WDR33: variants seen among roughly 807,000 people sequenced by gnomAD.
The protein encoded by WDR33 is pre-mRNA 3' end processing protein WDR33.
A neutral mutation model predicts 164.9 loss-of-function variants in WDR33; 47 were observed. The observed-to-expected ratio is 0.29, with a 90% confidence interval of 0.23 to 0.36. The LOEUF (loss-of-function observed/expected upper bound fraction) is 0.36, where lower values mean the gene tolerates loss of function less well. Ranked by LOEUF, WDR33 falls within the 10% of genes least tolerant of loss-of-function variation. The pLI is 1.00. For synonymous variants in WDR33, 505 were observed against 589.0 expected (o/e 0.86, Z 2.06); for missense variants, 1,137 against 1,754.1 (o/e 0.65, Z 6.28).
In WDR33 at chr2:127,721,182, A is replaced by G. The variant is rs2105381945; in HGVS notation, c.1671+654T>C. On this transcript the variant is annotated intron_variant, in intron 15 of 21. Transcript: ENST00000322313. The surrounding 1 kb of genome is among the most constrained non-coding windows in gnomAD (Gnocchi z 4.9). Reference sequence around the variant, plus strand: ...GAGTGCAGTGGTACGATCTCGGCTCACTGAAACTTCTGCCTCTGGAGTTCA... The same window carrying G: ...GAGTGCAGTGGTACGATCTCGGCTCGCTGAAACTTCTGCCTCTGGAGTTCA... Among the ~76,000 whole-genome samples, 1 of 152,040 alleles carries G rather than the reference A, an allele frequency of 6.6e-6. No individual in the cohort carries two copies. Among genetic ancestry groups the G allele is most frequent in the South Asian group, 2.1e-4 (1 of 4,796 alleles).
In WDR33 at chr2:127,726,804, C is replaced by A; in HGVS notation, c.725-27G>T. 6.2e-7 allele frequency: 1 copy of A among 1,612,688 alleles called. No individual in the cohort carries two copies. Among genetic ancestry groups the A allele is most frequent in the Non-Finnish European group, 8.5e-7 (1 of 1,179,418 alleles). On this transcript the variant is annotated intron_variant, in intron 7 of 21. Transcript: ENST00000322313. This position sits in a 1 kb window ranked among gnomAD's most constrained non-coding sequence, Gnocchi z 4.8. ...TGTCGGAAACAAGTTAGGATTAAAA[C>A]CTAATTAGTTACATGCATTTAAAGC...
At chr2:127,743,270 T>C (rs981271322) in intron 7 of WDR33, among the ~76,000 whole-genome samples, 10 of 152,186 alleles carry the variant, frequency 6.6e-5, no homozygotes, top group Admixed American at 2.6e-4. Context: ...TTTAGTGACA[T>C]TGATTTTTAA....
Position 127,732,979 on chromosome 2 carries a change from A to G in WDR33, c.725-6202T>C, listed in dbSNP as rs192252993. Among the ~76,000 whole-genome samples the G allele has an allele frequency of 1.9e-4, 29 of 152,342 alleles. No homozygotes were observed. The East Asian group carries it at 4.8e-3, about 25-fold the overall frequency. Reference sequence around the variant, plus strand: ...ATTCCAGGCTCTTTGTGATTCCCCAAATGTGAAAATTCCAAGAATGTAGTG... The same window carrying G: ...ATTCCAGGCTCTTTGTGATTCCCCAGATGTGAAAATTCCAAGAATGTAGTG... On this transcript the variant is annotated intron_variant, in intron 7 of 21. Coordinates refer to ENST00000322313, the MANE Select transcript of WDR33 (RefSeq NM_018383.5).
At chr2:127,789,964 T>C (rs930622294) in intron 1 of WDR33, among the ~76,000 whole-genome samples, 15 of 152,144 alleles carry the variant, frequency 9.9e-5, no homozygotes, top group Non-Finnish European at 1.5e-5. Flanking sequence ...GCCTCCAGAA[T>C]AGCTCGGACT....
chr2:127,766,046 C>T (rs1687811689), intron 4 of WDR33, among the ~76,000 whole-genome samples: 1 of 152,098 alleles, frequency 6.6e-6, no homozygotes, highest in Admixed American at 6.5e-5. Flanking sequence ...TTACTTTTTG[C>T]ACTTAAGGCC....
chr2:127,739,349 C>G (rs540627559), intron 7 of WDR33, among the ~76,000 whole-genome samples: 2 of 152,278 alleles, frequency 1.3e-5, no homozygotes, highest in African/African-American at 4.8e-5. Context: ...GATTTCCCCC[C>G]CGTAAGAAGA....
chr2:127,729,995 ATG>A (rs2105389868), intron 7 of WDR33, among the ~76,000 whole-genome samples: 1 of 152,346 alleles, frequency 6.6e-6, no homozygotes, highest in African/African-American at 2.4e-5. Context: ...AATGCATACC[ATG>A]TGTGTCTGAA....
chr2:127,772,604 C>A (rs1483923489), intron 1 of WDR33, among the ~76,000 whole-genome samples: 6 of 152,012 alleles, frequency 3.9e-5, no homozygotes, highest in African/African-American at 1.4e-4. Context: ...TATTTCATAT[C>A]TATAATGAAC....
At position 127,720,679 on chromosome 2, in the gene WDR33, C is replaced by T. The variant is rs1686417868; in HGVS notation, c.1672-326G>A. Among the ~76,000 whole-genome samples the T allele has an allele frequency of 6.6e-6, 1 of 152,112 alleles. No homozygotes were observed. The highest frequency in any genetic ancestry group is 2.1e-4 in the South Asian group (1 of 4,828). On this transcript the variant is annotated intron_variant, in intron 15 of 21. Transcript: ENST00000322313. This position sits in a 1 kb window ranked among gnomAD's most constrained non-coding sequence, Gnocchi z 5.9. ...TCCTGGGCTCAAGTGATCCTCCCAC[C>T]TCGGCCTCCGGAGTAGCTGGGACTA...
Position 127,713,570 on chromosome 2 carries a change from G to A in WDR33, c.3308+13C>T, listed in dbSNP as rs1686228917. The A allele has an allele frequency of 6.2e-7, 1 of 1,613,720 alleles. No homozygotes were observed. Among genetic ancestry groups the A allele is most frequent in the Non-Finnish European group, 8.5e-7 (1 of 1,179,840 alleles). ...ACTGAAGATGGAATGGGCCCACAAAGTATCTGTCCCACCTTTCTTCTCTGC... is the reference window on the plus strand; with the variant it reads ...ACTGAAGATGGAATGGGCCCACAAAATATCTGTCCCACCTTTCTTCTCTGC... On this transcript the variant is annotated intron_variant, in intron 18 of 21. Coordinates refer to ENST00000322313, the MANE Select transcript of WDR33 (RefSeq NM_018383.5). The surrounding 1 kb of genome is among the most constrained non-coding windows in gnomAD (Gnocchi z 6.2).
rs534152089 is a variant in WDR33, at chr2:127,753,464, G to A, written c.724+9598C>T. On this transcript the variant is annotated intron_variant, in intron 7 of 21. Transcript: ENST00000322313. ...AAATAGTCCAGAGATTTGGAAGCAG[G>A]CTCTGAAATTCACTTTGGAAATGAC... Among the ~76,000 whole-genome samples, 5 of 152,258 alleles carry A rather than the reference G, an allele frequency of 3.3e-5. No individual in the cohort carries two copies. The South Asian group carries it at 1.0e-3, about 32-fold the overall frequency.
chr2:127,701,952 C>A lies in WDR33; in HGVS notation c.*4371G>T. 1 of 1,401,350 alleles carries A rather than the reference C, an allele frequency of 7.1e-7. No individual in the cohort carries two copies. Among genetic ancestry groups the A allele is most frequent in the Non-Finnish European group, 9.2e-7 (1 of 1,084,886 alleles). The allele number at this position is 1,401,350 out of a possible 1,614,324, so 86.8% of individuals were successfully genotyped here. ...ACGCCTGCTGCGCTGCGAAGAAGCG[C>A]CGTCCCGGCCCGCGCTGCTCTACAT... is the stretch of plus-strand genomic sequence containing the variant. On this transcript the variant is annotated 3_prime_UTR_variant, in exon 22 of 22. Transcript: ENST00000322313.
chr2:127,748,796 C>T (rs926398918), intron 7 of WDR33, among the ~76,000 whole-genome samples: 6 of 150,712 alleles, frequency 4.0e-5, no homozygotes, highest in Non-Finnish European at 5.9e-5. Flanking sequence ...TCACCCAGGC[C>T]TGGGTGCAGT....
intron 4 of WDR33, among the ~76,000 whole-genome samples, chr2:127,767,569 GC>G (rs766207219): frequency 2.0e-5 from 3 of 152,020 alleles, no homozygotes; most frequent in Non-Finnish European, 2.9e-5. Context: ...AAAAAAAGTA[GC>G]CGGGCATGGT....
intron 7 of WDR33, among the ~76,000 whole-genome samples, chr2:127,734,079 T>C (rs1337412495): frequency 6.6e-6 from 1 of 152,224 alleles, no homozygotes; most frequent in African/African-American, 2.4e-5. Context: ...AGAGCTTGTA[T>C]ATGACAACTT....
Position 127,701,913 on chromosome 2 carries a change from GGC to G in WDR33, c.*4408_*4409del, listed in dbSNP as rs1685897326. ...GGCGGGAAGCGCGCTGCTGCGGGGC[GGC>G]GCGGCGTGCGGACGCCTGCTGCGCT... On this transcript the variant is annotated 3_prime_UTR_variant, in exon 22 of 22. Transcript: ENST00000322313. The G allele has an allele frequency of 6.9e-7, 1 of 1,447,828 alleles. No individual in the cohort carries two copies. Among genetic ancestry groups the G allele is most frequent in the East Asian group, 3.1e-5 (1 of 32,298 alleles). The allele number at this position is 1,447,828 out of a possible 1,614,324, so 89.7% of individuals were successfully genotyped here.
At chr2:127,752,915 CTTTATTTATTTA>C (rs547909506) in intron 7 of WDR33, among the ~76,000 whole-genome samples, 9 of 151,948 alleles carry the variant, frequency 5.9e-5, no homozygotes, top group Non-Finnish European at 1.2e-4. Context: ...ACTTATAAGA[CTTTATTTATTTA>C]TTTATTTATT....
intron 7 of WDR33, among the ~76,000 whole-genome samples, chr2:127,750,842 A>G (rs1258180989): frequency 1.3e-5 from 2 of 149,916 alleles, no homozygotes; most frequent in African/African-American, 4.9e-5. Context: ...TCAGAGGTTA[A>G]AATGTAAAAA....
chr2:127,782,551 G>A (rs1201701779), intron 1 of WDR33, among the ~76,000 whole-genome samples: 1 of 152,110 alleles, frequency 6.6e-6, no homozygotes, highest in African/African-American at 2.4e-5. Flanking sequence ...CTGTACAGTA[G>A]GCTCTCTGTA....
Sources: gnomAD v4.1 joint callset for allele counts (sites outside exome capture counted in the v4.1 genomes callset) on GRCh38, gnomAD v4.1.1 for gene constraint, Gnocchi (gnomAD v3.1) non-coding constraint, MANE v1.5 for transcripts, NCBI Gene and HGNC (gene_info 2026-07-23, HGNC 2026-07-21) for gene names.